Variants in RALYL observed in about 807,000 individuals in gnomAD.
RALYL encodes the protein RNA-binding Raly-like protein.
RALYL carries 29 observed loss-of-function variants against 35.1 expected under a neutral mutation model. The ratio of observed to expected loss-of-function variants is 0.83; its 90% CI spans 0.61 to 1.13. The LOEUF (loss-of-function observed/expected upper bound fraction) is 1.13. Ranked by LOEUF, RALYL falls within the 50% of genes most tolerant of loss-of-function variation. RALYL has a pLI of 0.00. For missense variants in RALYL, 359 were observed against 360.4 expected (o/e 1.00, Z 0.03); for synonymous variants, 120 against 127.6 (o/e 0.94, Z 0.40).
chr8:84,809,341 C>T (rs570029558), intron 4 of RALYL, among the ~76,000 whole-genome samples: 1 of 152,214 alleles, frequency 6.6e-6, no homozygotes, highest in East Asian at 1.9e-4. Flanking sequence ...CTTACTTGAT[C>T]ATGGTGGGTT....
At chr8:84,345,570 C>T (rs1292729559) in intron 1 of RALYL, among the ~76,000 whole-genome samples, 1 of 151,912 alleles carries the variant, frequency 6.6e-6, no homozygotes, top group East Asian at 1.9e-4. Context: ...AATGATATCA[C>T]CTTCAAAAGA....
chr8:84,709,450 A>G lies in RALYL; in HGVS notation c.257-65129A>G, dbSNP rs542886246. On this transcript the variant is annotated intron_variant, in intron 2 of 8. Transcript: ENST00000521268. Reference sequence around the variant, plus strand: ...TACACGTGTATATATACATAAACATATACATACATATATGCTTTTAAAGTT... The same window carrying G: ...TACACGTGTATATATACATAAACATGTACATACATATATGCTTTTAAAGTT... Among the ~76,000 whole-genome samples the G allele has an allele frequency of 6.6e-5, 10 of 152,270 alleles. No homozygotes were observed. The East Asian group carries it at 1.9e-3, about 29-fold the overall frequency.
chr8:84,392,222 C>T (rs1394572257), intron 1 of RALYL, among the ~76,000 whole-genome samples: 1 of 151,904 alleles, frequency 6.6e-6, no homozygotes, highest in Non-Finnish European at 1.5e-5. Context: ...AATAATAATT[C>T]TTATTTTTCT....
At chr8:84,489,552 T>A (rs1222514886) in intron 1 of RALYL, among the ~76,000 whole-genome samples, 1 of 152,028 alleles carries the variant, frequency 6.6e-6, no homozygotes, top group Non-Finnish European at 1.5e-5. Flanking sequence ...CAATTTGCAG[T>A]CCAATTGCAG....
chr8:84,562,407 G>A (rs115822765), intron 2 of RALYL, among the ~76,000 whole-genome samples: 1,524 of 151,818 alleles, frequency 0.01, 25 homozygotes, highest in African/African-American at 0.033. Flanking sequence ...ATATTAACTC[G>A]TTAACATCTT....
rs181051061 is a variant in RALYL, at chr8:84,513,080, A to C, written c.-23-16219A>C. 6.2e-4 allele frequency among the ~76,000 whole-genome samples: 95 copies of C among 152,274 alleles called. 3 individuals are homozygous for C. Among genetic ancestry groups the C allele is most frequent in the Non-Finnish European group, 5.9e-5 (4 of 68,010 alleles). ...AAAATGTCATTGGTATTTTGATAGA[A>C]ATTATATTGTAACTGTAGATTGCTT... is the stretch of plus-strand genomic sequence containing the variant. On this transcript the variant is annotated intron_variant, in intron 1 of 8. Transcript: ENST00000521268.
intron 1 of RALYL, among the ~76,000 whole-genome samples, chr8:84,461,216 T>C (rs2050734446): frequency 6.6e-6 from 1 of 151,566 alleles, no homozygotes. Flanking sequence ...CAATGAAATA[T>C]AATACAGAGA....
Position 84,830,069 on chromosome 8 carries a change from T to C in RALYL, c.366-19911T>C, listed in dbSNP as rs111550715. ...AAATCACCAAGAAAAAGCACAAAAG[T>C]ATGAAAAATGAGGCACTAAATAGAT... On this transcript the variant is annotated intron_variant, in intron 4 of 8. Coordinates refer to ENST00000521268, the MANE Select transcript of RALYL (RefSeq NM_173848.7). Among the ~76,000 whole-genome samples the C allele has an allele frequency of 3.0e-3, 431 of 144,258 alleles. 1 individual carries two copies. The highest frequency in any genetic ancestry group is 0.011 in the African/African-American group (419 of 38,132). 94.6% of individuals were successfully genotyped at this position (144,258 alleles called of 152,430 possible).
rs563637047 is a variant in RALYL, at chr8:84,525,750, C to T, written c.-23-3549C>T. On this transcript the variant is annotated intron_variant, in intron 1 of 8. Coordinates refer to ENST00000521268, the MANE Select transcript of RALYL (RefSeq NM_173848.7). Reference sequence around the variant, plus strand: ...AATTCGTTCTTCTGCAGTTTCATCACCATTCAGTGATTTAAAAAAAAGTTT... The same window carrying T: ...AATTCGTTCTTCTGCAGTTTCATCATCATTCAGTGATTTAAAAAAAAGTTT... Among the ~76,000 whole-genome samples, 6 of 151,986 alleles carry T rather than the reference C, an allele frequency of 3.9e-5. No homozygotes were observed. The South Asian group carries it at 6.2e-4, about 16-fold the overall frequency.
chr8:84,620,403 G>T (rs1821057401), intron 2 of RALYL, among the ~76,000 whole-genome samples: 2 of 151,940 alleles, frequency 1.3e-5, no homozygotes, highest in Admixed American at 1.3e-4. Flanking sequence ...TGAGGCTTCT[G>T]CATTCTTCAC....
intron 2 of RALYL, among the ~76,000 whole-genome samples, chr8:84,733,603 CT>C (rs1199661641): frequency 6.6e-6 from 1 of 152,040 alleles, no homozygotes; most frequent in East Asian, 1.9e-4. Flanking sequence ...AAAATTTAGC[CT>C]GAGCTTTAAA....
intron 1 of RALYL, among the ~76,000 whole-genome samples, chr8:84,385,960 G>T (rs942122420): frequency 4.0e-5 from 6 of 151,704 alleles, no homozygotes; most frequent in African/African-American, 1.2e-4. Context: ...GCCTGTCAAG[G>T]TGGCTTTATT....
chr8:84,907,673 A>G lies in RALYL; in HGVS notation c.859-13221A>G, dbSNP rs146751640. Among the ~76,000 whole-genome samples the G allele has an allele frequency of 3.9e-5, 6 of 152,010 alleles. No individual in the cohort carries two copies. In the East Asian group the frequency reaches 1.2e-3, roughly 29 times the overall value. On this transcript the variant is annotated intron_variant, in intron 8 of 8. Transcript: ENST00000521268. ...TTTTATTAATTTTGATATGTATAGT[A>G]CCCTTTTGGTTTGTGCCAAATCTAT...
At chr8:84,433,729 A>G (rs2047389094) in intron 1 of RALYL, among the ~76,000 whole-genome samples, 1 of 151,928 alleles carries the variant, frequency 6.6e-6, no homozygotes. Flanking sequence ...TGTAAGCCCA[A>G]TTAAACCTCT....
intron 1 of RALYL, among the ~76,000 whole-genome samples, chr8:84,290,287 A>G (rs549873073): frequency 6.6e-6 from 1 of 152,244 alleles, no homozygotes; most frequent in East Asian, 1.9e-4. Context: ...GCACTTTGAT[A>G]GTCACCTCTT....
chr8:84,674,310 T>G (rs1833798091), intron 2 of RALYL, among the ~76,000 whole-genome samples: 1 of 152,312 alleles, frequency 6.6e-6, no homozygotes, highest in South Asian at 2.1e-4. Context: ...TAGGACCATG[T>G]CTTCTGCAAA....
intron 2 of RALYL, among the ~76,000 whole-genome samples, chr8:84,673,887 TA>T (rs1363655900): frequency 6.6e-6 from 1 of 152,214 alleles, no homozygotes; most frequent in East Asian, 1.9e-4. Flanking sequence ...ATATGGATTT[TA>T]AAATAGTTTT....
chr8:84,917,462 G>A (rs1587233178), intron 8 of RALYL, among the ~76,000 whole-genome samples: 1 of 151,846 alleles, frequency 6.6e-6, no homozygotes, highest in East Asian at 1.9e-4. Context: ...TTTATCCTTT[G>A]TGTTACAAAC....
At chr8:84,420,457 G>C (rs1336602898) in intron 1 of RALYL, among the ~76,000 whole-genome samples, 18 of 151,532 alleles carry the variant, frequency 1.2e-4, no homozygotes, top group African/African-American at 4.1e-4. Context: ...CCCTATGTCA[G>C]ATGAGTTGGT....
Sources: gnomAD v4.1 joint callset for allele counts (sites outside exome capture counted in the v4.1 genomes callset) on GRCh38, gnomAD v4.1.1 for gene constraint, MANE v1.5 for transcripts, NCBI Gene and HGNC (gene_info 2026-07-23, HGNC 2026-07-21) for gene names.